Variants in RGS22 observed in about 807,000 individuals in gnomAD.
RGS22 encodes the protein regulator of G protein signaling 22.
RGS22 carries 148 observed loss-of-function variants against 172.9 expected under a neutral mutation model. The observed-to-expected ratio is 0.86, with a 90% confidence interval of 0.75 to 0.98. RGS22 has a LOEUF of 0.98. Among genes scored for constraint, RGS22 ranks in the 50% least tolerant of loss-of-function variants. The pLI is 0.00. For synonymous variants in RGS22, 458 were observed against 480.2 expected (o/e 0.95, Z 0.60); for missense variants, 1,347 against 1,440.8 (o/e 0.93, Z 1.05).
chr8:100,066,695 C>A (rs1810556511), intron 6 of RGS22, among the ~76,000 whole-genome samples: 1 of 152,098 alleles, frequency 6.6e-6, no homozygotes, highest in Admixed American at 6.5e-5. Context: ...TACTTCAGGT[C>A]CCCCATTCTG....
At chr8:99,962,488 CT>C (rs1163662571) in intron 26 of RGS22, 45 bp from the exon 27 acceptor site, 18 of 1,590,530 alleles carry the variant, frequency 1.1e-5, no homozygotes, top group Non-Finnish European at 1.6e-5. Flanking sequence ...GTCTTTCCTC[CT>C]TAGCAGAGGA....
intron 2 of RGS22, among the ~76,000 whole-genome samples, chr8:100,099,335 C>T (rs929663772): frequency 3.9e-5 from 6 of 152,182 alleles, no homozygotes; most frequent in African/African-American, 1.4e-4. Context: ...AAGATACTTA[C>T]AACTCAATAA....
chr8:100,054,727 C>A (rs1159534188), intron 9 of RGS22, among the ~76,000 whole-genome samples: 1 of 152,084 alleles, frequency 6.6e-6, no homozygotes, highest in Non-Finnish European at 1.5e-5. Flanking sequence ...TGGTATAGAT[C>A]TCTGTGGTCA....
At chr8:99,964,779 A>G (rs1300230754) in intron 24 of RGS22, among the ~76,000 whole-genome samples, 3 of 152,152 alleles carry the variant, frequency 2.0e-5, no homozygotes, top group Non-Finnish European at 4.4e-5. Context: ...TTGAGTTAGT[A>G]TTACTCTAAG....
chr8:100,051,721 T>TCG lies in RGS22; in HGVS notation c.1689+1080_1689+1081insCG, dbSNP rs1563670938. On this transcript the variant is annotated intron_variant, in intron 10 of 27. Coordinates refer to ENST00000360863, the MANE Select transcript of RGS22 (RefSeq NM_015668.5). Reference sequence around the variant, plus strand: ...TATATACGTATATATAAATATATATTTATATATACGTATATATAAATATAT... The same window carrying TCG: ...TATATACGTATATATAAATATATATTCGTATATATACGTATATATAAATATAT... 2.4e-3 allele frequency among the ~76,000 whole-genome samples: 43 copies of TCG among 17,904 alleles called. 10 individuals carry two copies. Among genetic ancestry groups the TCG allele is most frequent in the Admixed American group, 4.7e-3 (4 of 856 alleles). The allele number at this position is 17,904 out of a possible 152,430, so 11.7% of individuals were successfully genotyped here.
chr8:100,095,546 G>A (rs1812899613), intron 2 of RGS22, among the ~76,000 whole-genome samples: 1 of 152,044 alleles, frequency 6.6e-6, no homozygotes, highest in Non-Finnish European at 1.5e-5. Flanking sequence ...AGAATAATTA[G>A]AAAATGAAAT....
chr8:100,018,001 T>C (rs2131431703), intron 14 of RGS22, among the ~76,000 whole-genome samples: 1 of 152,306 alleles, frequency 6.6e-6, no homozygotes, highest in Non-Finnish European at 1.5e-5. Context: ...TAACCTATGA[T>C]GCTTTAACAA....
At chr8:100,002,030 G>T (rs909719435) in intron 18 of RGS22, among the ~76,000 whole-genome samples, 172 bp downstream of exon 18, 5 of 152,058 alleles carry the variant, frequency 3.3e-5, no homozygotes, top group African/African-American at 1.2e-4. Flanking sequence ...GAGTATTAAA[G>T]ACATTTAATT....
intron 20 of RGS22, 31 bp downstream of exon 20, chr8:99,996,431 C>G (rs750480810): frequency 6.3e-7 from 1 of 1,577,466 alleles, no homozygotes; most frequent in Non-Finnish European, 8.7e-7. Context: ...GCAAAACTTA[C>G]AAGAGGAAGA....
chr8:100,017,396 T>C (rs1007096818), intron 14 of RGS22, among the ~76,000 whole-genome samples: 1 of 152,190 alleles, frequency 6.6e-6, no homozygotes, highest in Non-Finnish European at 1.5e-5. Context: ...TGAAGTTGTC[T>C]CTGCTGTTCC....
intron 21 of RGS22, among the ~76,000 whole-genome samples, chr8:99,984,620 A>G (rs1812880902): frequency 6.6e-6 from 1 of 152,104 alleles, no homozygotes; most frequent in Non-Finnish European, 1.5e-5. Context: ...TGCACTAATC[A>G]CACTCTTATA....
At chr8:100,085,386 G>T (rs1488838355) in intron 3 of RGS22, among the ~76,000 whole-genome samples, 1 of 152,112 alleles carries the variant, frequency 6.6e-6, no homozygotes, top group Non-Finnish European at 1.5e-5. Context: ...ACATTATCCA[G>T]CAGAGGAAGA....
intron 3 of RGS22, among the ~76,000 whole-genome samples, chr8:100,083,943 G>A (rs1811971531): frequency 2.7e-5 from 4 of 150,220 alleles, no homozygotes; most frequent in East Asian, 4.0e-4. Flanking sequence ...TCCGCCTCCC[G>A]AGTTCAAGGG....
chr8:100,007,191 T>C (rs1815821528), intron 15 of RGS22, among the ~76,000 whole-genome samples: 2 of 152,212 alleles, frequency 1.3e-5, no homozygotes, highest in South Asian at 4.1e-4. Context: ...TTGGTATTAA[T>C]TTTGTATGAC....
intron 10 of RGS22, among the ~76,000 whole-genome samples, chr8:100,048,037 G>GCT (rs1820915732): frequency 1.3e-5 from 2 of 151,710 alleles, no homozygotes; most frequent in Admixed American, 1.3e-4. Flanking sequence ...CATAAGAAGG[G>GCT]CTCTATATCT....
At position 100,058,969 on chromosome 8, in the gene RGS22, G is replaced by A. The variant is rs117309990; in HGVS notation, c.1514+3622C>T. 3.8e-3 allele frequency among the ~76,000 whole-genome samples: 585 copies of A among 152,134 alleles called. 26 individuals are homozygous for A. In the East Asian group the frequency reaches 0.093, roughly 24 times the overall value. On this transcript the variant is annotated intron_variant, in intron 9 of 27. Transcript: ENST00000360863. ...CACCTTTTCAAGACATAGACAGTAC[G>A]GTAAGATATAAACAGAAACAACAAA...
chr8:100,044,096 C>A (rs1011328421), intron 11 of RGS22, among the ~76,000 whole-genome samples: 2 of 152,194 alleles, frequency 1.3e-5, no homozygotes, highest in African/African-American at 4.8e-5. Flanking sequence ...TATCTCCCCA[C>A]ACAAATAAAA....
intron 4 of RGS22, among the ~76,000 whole-genome samples, chr8:100,078,413 AATTAT>A (rs768141130): frequency 3.3e-5 from 5 of 150,532 alleles, no homozygotes; most frequent in African/African-American, 7.3e-5. Context: ...CAATATGATT[AATTAT>A]ATTATATTAT....
At chr8:100,025,330 T>C (rs1818065157) in intron 14 of RGS22, among the ~76,000 whole-genome samples, 1 of 152,216 alleles carries the variant, frequency 6.6e-6, no homozygotes, top group Non-Finnish European at 1.5e-5. Context: ...AAACAAATAA[T>C]GTAACAAAGC....
Sources: allele counts gnomAD v4.1 joint callset (sites outside exome capture counted in the v4.1 genomes callset), GRCh38; gene constraint gnomAD v4.1.1; transcripts MANE v1.5; gene names NCBI Gene and HGNC (gene_info 2026-07-23, HGNC 2026-07-21).